ANO10: variants seen among roughly 807,000 people sequenced by gnomAD.
ANO10 encodes the protein anoctamin-10.
ANO10 carries 77 observed loss-of-function variants against 74.7 expected under a neutral mutation model. The ratio of observed to expected loss-of-function variants is 1.03; its 90% CI spans 0.86 to 1.25. The LOEUF is 1.25. ANO10 is among the 50% of genes most tolerant of loss of function. ANO10 has a pLI of 0.00. For synonymous variants in ANO10, 279 were observed against 284.9 expected (o/e 0.98, Z 0.21); for missense variants, 721 against 778.1 (o/e 0.93, Z 0.87).
intron 11 of ANO10, among the ~76,000 whole-genome samples, chr3:43,457,045 A>G (rs1298156624): frequency 2.0e-5 from 3 of 152,216 alleles, no homozygotes; most frequent in Non-Finnish European, 4.4e-5. Flanking sequence ...TATAACAGAA[A>G]CCAGAATAAA....
intron 4 of ANO10, among the ~76,000 whole-genome samples, chr3:43,595,493 A>G (rs551865551): frequency 3.9e-5 from 6 of 152,364 alleles, no homozygotes; most frequent in East Asian, 1.9e-4. Context: ...TCGTATAAAC[A>G]GAACCAAAGA....
rs2084352707 is a variant in ANO10, at chr3:43,690,802, G to T, written c.-12+715C>A. 4.4e-5 allele frequency: 21 copies of T among 474,414 alleles called. No homozygotes were observed. In the East Asian group the frequency reaches 6.6e-4, roughly 15 times the overall value. The allele number at this position is 474,414 out of a possible 1,614,324, so 29.4% of individuals were successfully genotyped here. On this transcript the variant is annotated intron_variant, in intron 1 of 3. Transcript: ENST00000413397. ...GGAGAACTAGTGCATGCTGGCTGGG[G>T]ATGGCGGACGCAAAGCCGGAGGCAA...
chr3:43,615,871 T>C (rs995967373), intron 1 of ANO10, among the ~76,000 whole-genome samples: 1 of 152,114 alleles, frequency 6.6e-6, no homozygotes, highest in Admixed American at 6.5e-5. Context: ...GCCAGGATGG[T>C]CTCGATCTCC....
intron 11 of ANO10, among the ~76,000 whole-genome samples, chr3:43,455,040 C>T (rs903175739): frequency 2.6e-5 from 4 of 151,968 alleles, no homozygotes; most frequent in Non-Finnish European, 4.4e-5. Context: ...CCTCATGGGG[C>T]GCAGATGTGG....
At chr3:43,403,410 G>A (rs1219367984) in intron 12 of ANO10, among the ~76,000 whole-genome samples, 1 of 152,268 alleles carries the variant, frequency 6.6e-6, no homozygotes, top group Non-Finnish European at 1.5e-5. Context: ...GGAGGAACAA[G>A]AGAAAGATCA....
intron 5 of ANO10, among the ~76,000 whole-genome samples, chr3:43,578,788 A>T (rs2081132682): frequency 1.4e-5 from 2 of 147,652 alleles, no homozygotes; most frequent in South Asian, 4.4e-4. Flanking sequence ...AGGAGTAGCT[A>T]ACAGATAGTC....
At chr3:43,448,868 TC>T (rs2074708410) in intron 11 of ANO10, among the ~76,000 whole-genome samples, 1 of 99,594 alleles carries the variant, frequency 1.0e-5, no homozygotes, top group African/African-American at 2.9e-5. Context: ...TTTCTTTCTT[TC>T]TTTCTTTTTT....
intron 4 of ANO10, among the ~76,000 whole-genome samples, chr3:43,590,973 C>T (rs139927136): frequency 6.6e-6 from 1 of 152,112 alleles, no homozygotes; most frequent in East Asian, 1.9e-4. Context: ...AGGCTAAAAG[C>T]AGGAGGTAAA....
At chr3:43,525,742 G>A (rs979097328) in intron 11 of ANO10, among the ~76,000 whole-genome samples, 38 of 152,336 alleles carry the variant, frequency 2.5e-4, no homozygotes, top group African/African-American at 9.1e-4. Context: ...GGGAGCTGAT[G>A]CATTTTCAAA....
At chr3:43,555,647 A>T (rs1302387436) in intron 9 of ANO10, among the ~76,000 whole-genome samples, 178 bp from the exon 10 acceptor site, 2 of 152,258 alleles carry the variant, frequency 1.3e-5, no homozygotes, top group African/African-American at 4.8e-5. Flanking sequence ...TCCCACACAC[A>T]TGCAATAATA....
At chr3:43,510,472 C>T (rs1483323888) in intron 11 of ANO10, among the ~76,000 whole-genome samples, 1 of 149,108 alleles carries the variant, frequency 6.7e-6, no homozygotes, top group Non-Finnish European at 1.5e-5. Flanking sequence ...TACACACACA[C>T]AAGTACAGGT....
chr3:43,618,040 G>A (rs185178353), intron 1 of ANO10: 2 of 152,406 alleles, frequency 1.3e-5, no homozygotes, highest in African/African-American at 4.8e-5. Context: ...GCAGTTAATG[G>A]TGAGAGCAAT....
chr3:43,508,408 C>G (rs182130059), intron 11 of ANO10, among the ~76,000 whole-genome samples: 8 of 152,216 alleles, frequency 5.3e-5, no homozygotes, highest in Non-Finnish European at 8.8e-5. Context: ...GATCTAGAAC[C>G]AGAAATACCA....
intron 12 of ANO10, among the ~76,000 whole-genome samples, chr3:43,417,088 C>G (rs2092750806): frequency 6.6e-6 from 1 of 152,184 alleles, no homozygotes; most frequent in South Asian, 2.1e-4. Context: ...AGATAGGGTA[C>G]AGAAGTCCTC....
At chr3:43,516,415 A>T (rs928351772) in intron 11 of ANO10, among the ~76,000 whole-genome samples, 1 of 152,208 alleles carries the variant, frequency 6.6e-6, no homozygotes. Flanking sequence ...CCTATAATAC[A>T]GTATGCATGT....
intron 11 of ANO10, among the ~76,000 whole-genome samples, chr3:43,437,047 T>C (rs2093079582): frequency 6.6e-6 from 1 of 152,092 alleles, no homozygotes; most frequent in African/African-American, 2.4e-5. Flanking sequence ...CAAATGCAAA[T>C]TAATAAAAAT....
At chr3:43,658,625 A>G (rs1485434313) in intron 1 of ANO10, among the ~76,000 whole-genome samples, 1 of 152,028 alleles carries the variant, frequency 6.6e-6, no homozygotes, top group African/African-American at 2.4e-5. Context: ...ACCTGCCAAC[A>G]GCCCAGCTAA....
chr3:43,632,744 A>C (rs1289418687), intron 1 of ANO10, among the ~76,000 whole-genome samples: 1 of 152,194 alleles, frequency 6.6e-6, no homozygotes, highest in African/African-American at 2.4e-5. Flanking sequence ...CTGCCATCCT[A>C]AACTCTTCCC....
intron 12 of ANO10, among the ~76,000 whole-genome samples, chr3:43,430,062 C>A (rs535501912): frequency 4.6e-5 from 7 of 152,060 alleles, no homozygotes; most frequent in Non-Finnish European, 8.8e-5. Flanking sequence ...ATAGAACATG[C>A]GAAATGTGGT....
Sources: gnomAD v4.1 joint callset for allele counts (sites outside exome capture counted in the v4.1 genomes callset) on GRCh38, gnomAD v4.1.1 for gene constraint, MANE v1.5 for transcripts, NCBI Gene and HGNC (gene_info 2026-07-23, HGNC 2026-07-21) for gene names.